Variants in RALYL observed in about 807,000 individuals in gnomAD.
RALYL encodes RNA-binding Raly-like protein.
In RALYL, 29 loss-of-function variants were observed where a neutral mutation model predicts 35.1. The observed-to-expected ratio is 0.83, with a 90% confidence interval of 0.61 to 1.13. The LOEUF is 1.13. Ranked by LOEUF, RALYL falls within the 50% of genes most tolerant of loss-of-function variation. The pLI is 0.00. For synonymous variants in RALYL, 120 were observed against 127.6 expected, an observed-to-expected ratio of 0.94 and a Z score of 0.40; for missense variants, 359 against 360.4, an observed-to-expected ratio of 1.00 and a Z score of 0.03.
At chr8:84,920,649 C>T (rs1002722610) in intron 8 of RALYL, among the ~76,000 whole-genome samples, 1 of 151,788 alleles carries the variant, frequency 6.6e-6, no homozygotes, top group Non-Finnish European at 1.5e-5. Flanking sequence ...TAATTGCTGA[C>T]CTCAGGCAAT....
intron 2 of RALYL, among the ~76,000 whole-genome samples, chr8:84,734,912 A>C (rs1409126167): frequency 2.0e-5 from 3 of 152,066 alleles, no homozygotes; most frequent in Non-Finnish European, 4.4e-5. Context: ...ATGGGTTTGC[A>C]GAAGACTAAT....
chr8:84,359,716 G>T (rs1193958818), intron 1 of RALYL, among the ~76,000 whole-genome samples: 1 of 151,976 alleles, frequency 6.6e-6, no homozygotes, highest in Non-Finnish European at 1.5e-5. Flanking sequence ...AGAGGAAAAT[G>T]AAAAGTCCTT....
chr8:84,519,780 C>T (rs920208000), intron 1 of RALYL, among the ~76,000 whole-genome samples: 1 of 152,196 alleles, frequency 6.6e-6, no homozygotes, highest in Non-Finnish European at 1.5e-5. Flanking sequence ...ATTAAAGTGT[C>T]ACTGATTTCT....
chr8:84,313,644 G>T (rs775333283), intron 1 of RALYL, among the ~76,000 whole-genome samples: 3 of 152,134 alleles, frequency 2.0e-5, no homozygotes, highest in Non-Finnish European at 4.4e-5. Flanking sequence ...GCAAAATGCT[G>T]CCAGTCTCTT....
In RALYL at chr8:84,544,296, C is replaced by T. The variant is rs1357086000; in HGVS notation, c.256+14719C>T. Among the ~76,000 whole-genome samples, 3 of 151,730 alleles carry T rather than the reference C, an allele frequency of 2.0e-5. No homozygotes were observed. The South Asian group carries it at 6.2e-4, about 31-fold the overall frequency. On this transcript the variant is annotated intron_variant, in intron 2 of 8. Coordinates refer to ENST00000521268, the MANE Select transcript of RALYL (RefSeq NM_173848.7). ...TATTCAAAGAAATTTAGCTTTTTTT[C>T]CCTCTGCTATCCTCTCTCTCTTCCC...
intron 2 of RALYL, among the ~76,000 whole-genome samples, chr8:84,556,125 T>A (rs1376598801): frequency 6.6e-6 from 1 of 152,184 alleles, no homozygotes; most frequent in Non-Finnish European, 1.5e-5. Context: ...CTTAATGTGA[T>A]TAAGGACAAG....
At chr8:84,244,108 T>C (rs1053280794) in intron 1 of RALYL, among the ~76,000 whole-genome samples, 3 of 152,138 alleles carry the variant, frequency 2.0e-5, no homozygotes, top group African/African-American at 4.8e-5. Flanking sequence ...TTCAATTAAA[T>C]AGAAGCAACT....
intron 1 of RALYL, among the ~76,000 whole-genome samples, chr8:84,287,065 T>C (rs1435220595): frequency 6.6e-6 from 1 of 152,232 alleles, no homozygotes; most frequent in Non-Finnish European, 1.5e-5. Context: ...TGCTTATCAG[T>C]ACTTTCTTGC....
chr8:84,429,768 A>G (rs900405259), intron 1 of RALYL, among the ~76,000 whole-genome samples: 1 of 152,082 alleles, frequency 6.6e-6, no homozygotes, highest in Non-Finnish European at 1.5e-5. Flanking sequence ...ATCTGCATGT[A>G]AATTTCCCAT....
At chr8:84,840,650 C>G (rs1325153464) in intron 4 of RALYL, among the ~76,000 whole-genome samples, 1 of 152,038 alleles carries the variant, frequency 6.6e-6, no homozygotes, top group African/African-American at 2.4e-5. Flanking sequence ...AGAGCAACTC[C>G]AAGACACATA....
intron 2 of RALYL, among the ~76,000 whole-genome samples, chr8:84,634,651 T>C (rs1824640399): frequency 6.6e-6 from 1 of 151,628 alleles, no homozygotes; most frequent in African/African-American, 2.4e-5. Flanking sequence ...GGCTAAGAAG[T>C]CAGGAAATAT....
At chr8:84,867,386 G>T (rs1195847716) in intron 6 of RALYL, among the ~76,000 whole-genome samples, 3 of 152,184 alleles carry the variant, frequency 2.0e-5, no homozygotes, top group Non-Finnish European at 4.4e-5. Flanking sequence ...GCTTTGCACA[G>T]ATTATACTCT....
intron 2 of RALYL, among the ~76,000 whole-genome samples, chr8:84,762,610 A>G (rs1056114282): frequency 6.6e-6 from 1 of 152,214 alleles, no homozygotes. Flanking sequence ...CTTTATCCAC[A>G]GAATATGATG....
chr8:84,413,246 A>G (rs1244743050), intron 1 of RALYL, among the ~76,000 whole-genome samples: 1 of 151,480 alleles, frequency 6.6e-6, no homozygotes, highest in Non-Finnish European at 1.5e-5. Context: ...AGATCTAGGA[A>G]CTTTTTAAAG....
At chr8:84,636,563 A>G (rs1825104672) in intron 2 of RALYL, among the ~76,000 whole-genome samples, 1 of 151,798 alleles carries the variant, frequency 6.6e-6, no homozygotes, top group African/African-American at 2.4e-5. Flanking sequence ...TCCTCCATCT[A>G]GCTGGACAGC....
intron 1 of RALYL, among the ~76,000 whole-genome samples, chr8:84,517,262 A>G (rs927419987): frequency 1.3e-5 from 2 of 152,164 alleles, no homozygotes; most frequent in Admixed American, 6.5e-5. Context: ...TCCTGAGAGT[A>G]TATATATGGG....
intron 2 of RALYL, among the ~76,000 whole-genome samples, chr8:84,588,578 T>G (rs911585057): frequency 6.6e-6 from 1 of 152,210 alleles, no homozygotes; most frequent in Non-Finnish European, 1.5e-5. Context: ...GGTGTAATGC[T>G]CAGCCAGTAT....
At chr8:84,297,932 T>C (rs889033249) in intron 1 of RALYL, among the ~76,000 whole-genome samples, 1 of 152,144 alleles carries the variant, frequency 6.6e-6, no homozygotes, top group African/African-American at 2.4e-5. Context: ...AGACTCTTGA[T>C]AGCCCTTTGT....
chr8:84,378,146 C>T (rs1586715573), intron 1 of RALYL, among the ~76,000 whole-genome samples: 1 of 151,846 alleles, frequency 6.6e-6, no homozygotes, highest in Non-Finnish European at 1.5e-5. Context: ...AATTGTTTTA[C>T]CTTCAAGGTA....
Sources: gnomAD v4.1 joint callset for allele counts (sites outside exome capture counted in the v4.1 genomes callset) on GRCh38, gnomAD v4.1.1 for gene constraint, MANE v1.5 for transcripts, NCBI Gene and HGNC (gene_info 2026-07-23, HGNC 2026-07-21) for gene names.